The following UST variants were observed in gnomAD, a reference collection of about 807,000 sequenced individuals.
UST encodes the protein uronyl 2-sulfotransferase, also known as chondroitin sulfate 2-O-sulfotransferase.
Under a neutral mutation model 45.6 loss-of-function variants are expected in UST, and 21 were observed. That is an observed-to-expected ratio of 0.46 (90% CI 0.33 to 0.66). The LOEUF is 0.66. Ranked by LOEUF, UST falls within the 30% of genes least tolerant of loss-of-function variation. UST has a pLI of 0.02. For missense variants in UST, 463 were observed against 512.4 expected (o/e 0.90, Z 0.93); for synonymous variants, 215 against 200.6 (o/e 1.07, Z -0.61).
intron 5 of UST, among the ~76,000 whole-genome samples, chr6:148,991,654 TA>T (rs756298710): frequency 8.9e-4 from 135 of 152,130 alleles, no homozygotes; most frequent in Non-Finnish European, 1.6e-3. Context: ...CATACTAACA[TA>T]ATTCTTGGAT....
At chr6:148,891,895 C>T (rs1424092819) in intron 2 of UST, among the ~76,000 whole-genome samples, 1 of 152,194 alleles carries the variant, frequency 6.6e-6, no homozygotes, top group Non-Finnish European at 1.5e-5. Context: ...CCTTTGTATA[C>T]TTAGCTACCT....
rs1015438445 is a variant in UST at position 148,790,300 on chromosome 6, C to G, written c.247+42623C>G. The stretch of plus-strand genomic sequence containing the variant: ...GAATGAAAGCTTCTGGGAGTAGAGA[C>G]CCCGTTTTGCTGTCTGCTCTCTCCA... On this transcript the variant is annotated intron_variant, in intron 1 of 7. Coordinates refer to ENST00000367463, the MANE Select transcript of UST (RefSeq NM_005715.3). This position sits in a 1 kb window ranked among gnomAD's most constrained non-coding sequence, Gnocchi z 4.2. 9.2e-5 allele frequency among the ~76,000 whole-genome samples: 14 copies of G among 152,172 alleles called. No individual in the cohort carries two copies. The highest frequency in any genetic ancestry group is 1.9e-4 in the Non-Finnish European group (13 of 68,036).
intron 2 of UST, among the ~76,000 whole-genome samples, chr6:148,918,564 C>G (rs1020119161): frequency 1.3e-5 from 2 of 152,114 alleles, no homozygotes; most frequent in Non-Finnish European, 1.5e-5. Flanking sequence ...AAACAAAATA[C>G]TCTCTTTTTT....
At chr6:148,810,392 T>C (rs944320825) in intron 1 of UST, among the ~76,000 whole-genome samples, 1 of 152,240 alleles carries the variant, frequency 6.6e-6, no homozygotes, top group African/African-American at 2.4e-5. Flanking sequence ...TTATCTGAAT[T>C]GATGTAAATA....
chr6:148,935,091 A>G (rs1038224040), intron 2 of UST, among the ~76,000 whole-genome samples: 11 of 152,154 alleles, frequency 7.2e-5, no homozygotes, highest in African/African-American at 2.7e-4. Context: ...GGGCTAAGCT[A>G]TTGAACTTGT....
chr6:148,993,082 T>C (rs1781386351), intron 5 of UST: 1 of 985,280 alleles, frequency 1.0e-6, no homozygotes, highest in African/African-American at 1.7e-5. Flanking sequence ...ATTTGTTTCT[T>C]AGTGCATTTG....
At chr6:148,785,775 A>G (rs903738853) in intron 1 of UST, among the ~76,000 whole-genome samples, 1 of 152,258 alleles carries the variant, frequency 6.6e-6, no homozygotes, top group Non-Finnish European at 1.5e-5. Context: ...GAGGAAAAAA[A>G]TGCTTAGGAA....
At chr6:148,944,845 A>G (rs1780203398) in intron 3 of UST, among the ~76,000 whole-genome samples, 1 of 152,206 alleles carries the variant, frequency 6.6e-6, no homozygotes. Context: ...GCTGGCTTAA[A>G]TTATCTCTTG....
In UST at chr6:148,987,481, G is replaced by A. The variant is rs184982334; in HGVS notation, c.681+22918G>A. Among the ~76,000 whole-genome samples, 201 of 151,910 alleles carry A rather than the reference G, an allele frequency of 1.3e-3. 3 individuals are homozygous for A. In the South Asian group the frequency reaches 0.016, roughly 12 times the overall value. On this transcript the variant is annotated intron_variant, in intron 5 of 7. Coordinates refer to ENST00000367463, the MANE Select transcript of UST (RefSeq NM_005715.3). ...AGGCTCACTGCAGACTGTGTAACGTGAATAACAAAAAAAAAATTTCTACTG... is the reference window on the plus strand; with the variant it reads ...AGGCTCACTGCAGACTGTGTAACGTAAATAACAAAAAAAAAATTTCTACTG...
intron 2 of UST, among the ~76,000 whole-genome samples, chr6:148,915,458 A>G (rs765597433): frequency 3.3e-5 from 5 of 151,912 alleles, no homozygotes; most frequent in Non-Finnish European, 5.9e-5. Flanking sequence ...AAAAAGCCCT[A>G]CCTCCCAGGT....
chr6:148,775,942 T>C (rs533296939), intron 1 of UST, among the ~76,000 whole-genome samples: 4 of 152,268 alleles, frequency 2.6e-5, no homozygotes, highest in Admixed American at 6.5e-5. Context: ...TGGTAAAATA[T>C]GAATTTTATA....
At chr6:148,781,936 T>C (rs188757222) in intron 1 of UST, among the ~76,000 whole-genome samples, 26 of 152,356 alleles carry the variant, frequency 1.7e-4, no homozygotes, top group African/African-American at 5.0e-4. Context: ...AGGTCACTGC[T>C]CATTGACAAT....
intron 1 of UST, among the ~76,000 whole-genome samples, chr6:148,870,690 GTCT>G (rs1778533450): frequency 6.6e-6 from 1 of 152,100 alleles, no homozygotes; most frequent in Non-Finnish European, 1.5e-5. Context: ...ATTTACTCCG[GTCT>G]TCTCTTGGTT....
chr6:148,805,791 T>C (rs181956427), intron 1 of UST, among the ~76,000 whole-genome samples: 1 of 152,352 alleles, frequency 6.6e-6, no homozygotes, highest in East Asian at 1.9e-4. Context: ...GGTGAATGAT[T>C]GGAACACCCA....
At chr6:148,901,447 C>T (rs1236651550) in intron 2 of UST, among the ~76,000 whole-genome samples, 1 of 152,100 alleles carries the variant, frequency 6.6e-6, no homozygotes, top group Non-Finnish European at 1.5e-5. Flanking sequence ...TGTGGCATTA[C>T]CGTCTCAACA....
chr6:148,954,807 G>A (rs1160654770), intron 4 of UST, among the ~76,000 whole-genome samples: 1 of 152,224 alleles, frequency 6.6e-6, no homozygotes, highest in African/African-American at 2.4e-5. Flanking sequence ...AGCAGCTGTG[G>A]TCTTCTGATA....
chr6:148,750,988 A>G lies in UST; in HGVS notation c.247+3311A>G, dbSNP rs535150569. Among the ~76,000 whole-genome samples, 10 of 152,334 alleles carry G rather than the reference A, an allele frequency of 6.6e-5. 1 individual carries two copies. The South Asian group carries it at 1.7e-3, about 25-fold the overall frequency. On this transcript the variant is annotated intron_variant, in intron 1 of 7. Transcript: ENST00000367463. ...TCACCTGGGAATTTGTCACAAATGT[A>G]CATGCTAAGGTCTTATCCCAAAGCT...
chr6:149,074,121 A>C lies in UST; in HGVS notation c.*5A>C. On this transcript the variant is annotated 3_prime_UTR_variant, in exon 8 of 8. Transcript: ENST00000367463. The stretch of plus-strand genomic sequence containing the variant: ...GAAGATATTTATAAGAGGTGATGTG[A>C]CTGTGTTGCCTCTATGGCTTTATCT... The C allele has an allele frequency of 1.2e-6, 2 of 1,613,202 alleles. No homozygotes were observed. Among genetic ancestry groups the C allele is most frequent in the Non-Finnish European group, 1.7e-6 (2 of 1,179,236 alleles).
chr6:148,872,423 A>G (rs1582867430), intron 1 of UST, among the ~76,000 whole-genome samples: 1 of 149,666 alleles, frequency 6.7e-6, no homozygotes, highest in African/African-American at 2.6e-5. Flanking sequence ...CAAATAAAAA[A>G]TGTATCAGTT....
Sources: gnomAD v4.1 joint callset for allele counts (sites outside exome capture counted in the v4.1 genomes callset) on GRCh38, gnomAD v4.1.1 for gene constraint, Gnocchi (gnomAD v3.1) non-coding constraint, MANE v1.5 for transcripts, NCBI Gene and HGNC (gene_info 2026-07-23, HGNC 2026-07-21) for gene names.